Variants in FLRT2 observed in about 807,000 individuals in gnomAD.
The protein encoded by FLRT2 is leucine-rich repeat transmembrane protein FLRT2.
FLRT2 carries 15 observed loss-of-function variants against 40.0 expected under a neutral mutation model. That is an observed-to-expected ratio of 0.38 (90% CI 0.25 to 0.58). The LOEUF is 0.58. FLRT2 is among the 20% of genes least tolerant of loss of function. The pLI is 0.71. For synonymous variants in FLRT2, 380 were observed against 336.8 expected, an observed-to-expected ratio of 1.13 and a Z score of -1.41; for missense variants, 726 against 840.0, an observed-to-expected ratio of 0.86 and a Z score of 1.68.
Position 85,622,120 on chromosome 14 carries a change from T to A in FLRT2, c.606T>A (p.Asn202Lys). ...IAVISDMAFQ[N>K]LTSLERLIVD... ...TCATATCCGACATGGCCTTCCAGAA[T>A]CTCACGAGCTTGGAGCGTCTTATTG... is the stretch of plus-strand genomic sequence containing the variant. Residue 202 changes from asparagine to lysine, a missense_variant, in exon 2 of 2, where the codon AAT (asparagine) becomes AAA (lysine). Physicochemically the swap from Asn to Lys is moderately conservative, Grantham distance 94. Around this residue, in one of 3 missense-constraint regions of FLRT2, gnomAD observed 611 missense variants for 690.0 expected, o/e 0.89. Coordinates refer to ENST00000330753, the MANE Select transcript of FLRT2 (RefSeq NM_013231.6). 4 of 1,614,140 alleles carry A rather than the reference T, an allele frequency of 2.5e-6. No homozygotes were observed. The highest frequency in any genetic ancestry group is 3.4e-6 in the Non-Finnish European group (4 of 1,180,020).
At chr14:85,567,634 C>CTTTTTT (rs1566732052) in intron 1 of FLRT2, among the ~76,000 whole-genome samples, 4 of 126,108 alleles carry the variant, frequency 3.2e-5, no homozygotes, top group Non-Finnish European at 3.2e-5. Flanking sequence ...AAGTGACTTA[C>CTTTTTT]ATTTTTTTTT....
rs900997405 is a variant in FLRT2 at position 85,634,958 on chromosome 14, G to A, written c.*11461G>A. Reference sequence around the variant, plus strand: ...TTTATGGTTGTTCATTTTCTATGTAGTTTAGATTTGGTTCATTGGACTGAT... The same window carrying A: ...TTTATGGTTGTTCATTTTCTATGTAATTTAGATTTGGTTCATTGGACTGAT... On this transcript the variant is annotated 3_prime_UTR_variant, in exon 2 of 2. Transcript: ENST00000330753. 1 of 152,220 alleles carries A rather than the reference G, an allele frequency of 6.6e-6. No homozygotes were observed. 9.4% of individuals were successfully genotyped at this position (152,220 alleles called of 1,614,324 possible). A position where few individuals can be genotyped will look rare whatever the true frequency, so the allele number is the denominator to read the frequency against.
At chr14:85,617,537 C>G (rs1893189077) in intron 1 of FLRT2, among the ~76,000 whole-genome samples, 1 of 152,040 alleles carries the variant, frequency 6.6e-6, no homozygotes, top group Non-Finnish European at 1.5e-5. Flanking sequence ...TAAATATGGT[C>G]CCCAACTTAA....
intron 1 of FLRT2, among the ~76,000 whole-genome samples, chr14:85,557,206 C>T (rs540012365): frequency 4.0e-5 from 6 of 151,868 alleles, no homozygotes; most frequent in Non-Finnish European, 7.4e-5. Flanking sequence ...AACACAGAGA[C>T]CCTCTTACTA....
chr14:85,568,813 C>G (rs1425784360), intron 1 of FLRT2, among the ~76,000 whole-genome samples: 1 of 152,158 alleles, frequency 6.6e-6, no homozygotes, highest in Non-Finnish European at 1.5e-5. Context: ...TACGTGTAAC[C>G]TGGAGATGCC....
chr14:85,623,756 T>C lies in FLRT2; in HGVS notation c.*259T>C. The C allele has an allele frequency of 3.0e-6, 1 of 337,004 alleles. No homozygotes were observed. The allele number at this position is 337,004 out of a possible 1,614,324, so 20.9% of individuals were successfully genotyped here. A position where few individuals can be genotyped will look rare whatever the true frequency, so the allele number is the denominator to read the frequency against. The stretch of plus-strand genomic sequence containing the variant: ...AAAAAAAAAAAAGTTGCTGAAGTAC[T>C]GTACAGGGTTGTACAATGAGAACCC... On this transcript the variant is annotated 3_prime_UTR_variant, in exon 2 of 2. Coordinates refer to ENST00000330753, the MANE Select transcript of FLRT2 (RefSeq NM_013231.6).
chr14:85,601,528 G>A (rs976533235), intron 1 of FLRT2, among the ~76,000 whole-genome samples: 14 of 152,160 alleles, frequency 9.2e-5, no homozygotes, highest in African/African-American at 3.4e-4. Context: ...GGCTTAGGGA[G>A]CAAAGCCCTG....
chr14:85,592,797 A>AAG (rs1891954724), intron 1 of FLRT2, among the ~76,000 whole-genome samples: 1 of 102,090 alleles, frequency 9.8e-6, no homozygotes, highest in Admixed American at 9.5e-5. Flanking sequence ...CTCAAAAAAA[A>AAG]AAAAAAAAAA....
intron 1 of FLRT2, among the ~76,000 whole-genome samples, chr14:85,615,595 G>T (rs1893089459): frequency 1.4e-5 from 2 of 145,120 alleles, no homozygotes; most frequent in Non-Finnish European, 3.0e-5. Context: ...GAAGTTTAGT[G>T]AATGAGATAG....
chr14:85,539,577 C>T (rs1479037266), intron 1 of FLRT2, among the ~76,000 whole-genome samples: 2 of 152,062 alleles, frequency 1.3e-5, no homozygotes, highest in African/African-American at 4.8e-5. Context: ...ATTCTCATGT[C>T]AGCATGCTTC....
At chr14:85,566,129 A>G (rs917748193) in intron 1 of FLRT2, among the ~76,000 whole-genome samples, 5 of 152,160 alleles carry the variant, frequency 3.3e-5, no homozygotes, top group Non-Finnish European at 7.4e-5. Context: ...TGCAAGTGCT[A>G]TTATGCCAGC....
chr14:85,618,280 A>G (rs1297389921), intron 1 of FLRT2, among the ~76,000 whole-genome samples: 1 of 152,180 alleles, frequency 6.6e-6, no homozygotes, highest in African/African-American at 2.4e-5. Context: ...TTACATATGA[A>G]CTTAGAGACC....
intron 1 of FLRT2, among the ~76,000 whole-genome samples, chr14:85,598,475 C>A (rs747986085): frequency 4.2e-4 from 64 of 152,166 alleles, no homozygotes; most frequent in Non-Finnish European, 1.8e-4. Flanking sequence ...ACAAGTGACA[C>A]CAGATACTGG....
rs1944497271 is a variant in FLRT2, at chr14:85,645,659, CAGA to C, written c.*22166_*22168del. On this transcript the variant is annotated 3_prime_UTR_variant, in exon 2 of 2. Coordinates refer to ENST00000330753, the MANE Select transcript of FLRT2 (RefSeq NM_013231.6). ...ATTCATGCCACATGTTATTTCTTTT[CAGA>C]AGATCTTCCTAGTTGAGGAATCTTT... The C allele has an allele frequency of 6.6e-6, 1 of 152,262 alleles. No individual in the cohort carries two copies. Among genetic ancestry groups the C allele is most frequent in the African/African-American group, 2.4e-5 (1 of 41,558 alleles). 9.4% of individuals were successfully genotyped at this position (152,262 alleles called of 1,614,324 possible).
In FLRT2 at chr14:85,622,674, C is replaced by T. The variant is rs374780025; in HGVS notation, c.1160C>T (p.Ser387Phe). The stretch of plus-strand genomic sequence containing the variant: ...CCGACCACTCAGCCTCCCACCCTCT[C>T]TATTCCAAACCCTAGCAGAAGCTAC... Reference protein sequence around the residue: ...ASPTTQPPTLSIPNPSRSYTP... With the variant: ...ASPTTQPPTLFIPNPSRSYTP... Residue 387 changes from serine (S) to phenylalanine (F), a missense_variant, in exon 2 of 2, where the codon TCT becomes TTT. Ser to Phe is a radical substitution (Grantham distance 155). Around this residue, in one of 3 missense-constraint regions of FLRT2, gnomAD observed 611 missense variants for 690.0 expected, o/e 0.89. Transcript: ENST00000330753. 7 of 1,614,044 alleles carry T rather than the reference C, an allele frequency of 4.3e-6. No individual in the cohort carries two copies. The highest frequency in any genetic ancestry group is 5.9e-6 in the Non-Finnish European group (7 of 1,180,026).
chr14:85,555,910 G>A (rs28539214), intron 1 of FLRT2, among the ~76,000 whole-genome samples: 10,865 of 151,846 alleles, frequency 0.072, 878 homozygotes, highest in African/African-American at 0.2. Flanking sequence ...TTGGAAGAAA[G>A]CCAACTATTA....
chr14:85,577,858 G>C (rs959251997), intron 1 of FLRT2, among the ~76,000 whole-genome samples: 1 of 152,000 alleles, frequency 6.6e-6, no homozygotes, highest in African/African-American at 2.4e-5. Context: ...TGGGATTACA[G>C]GTGTGAGCTA....
chr14:85,539,006 T>C (rs1888829177), intron 1 of FLRT2, among the ~76,000 whole-genome samples: 1 of 152,120 alleles, frequency 6.6e-6, no homozygotes, highest in African/African-American at 2.4e-5. Context: ...ATTCATCATA[T>C]CTAATAGACA....
intron 1 of FLRT2, among the ~76,000 whole-genome samples, chr14:85,589,637 G>C (rs1197613607): frequency 6.6e-6 from 1 of 151,974 alleles, no homozygotes; most frequent in Non-Finnish European, 1.5e-5. Context: ...GTCCATTTTT[G>C]CTTTGGCTGC....
Sources: allele counts gnomAD v4.1 joint callset (sites outside exome capture counted in the v4.1 genomes callset), GRCh38; gene constraint gnomAD v4.1.1; regional missense constraint gnomAD v4.1.1; transcripts MANE v1.5; gene names NCBI Gene and HGNC (gene_info 2026-07-23, HGNC 2026-07-21).